Variants in LHFPL3 observed in about 807,000 individuals in gnomAD.
LHFPL3 encodes LHFPL tetraspan subfamily member 3 protein.
A neutral mutation model predicts 19.3 loss-of-function variants in LHFPL3; 5 were observed. The ratio of observed to expected loss-of-function variants is 0.26; its 90% CI spans 0.14 to 0.54. The LOEUF (loss-of-function observed/expected upper bound fraction) is 0.54, where lower values mean the gene tolerates loss of function less well. Ranked by LOEUF, LHFPL3 falls within the 20% of genes least tolerant of loss-of-function variation. The probability of loss-of-function intolerance (pLI) is 0.94; values close to 1 mark genes in which losing one functional copy is unlikely to be tolerated. For synonymous variants in LHFPL3, 133 were observed against 126.2 expected (o/e 1.05, Z -0.36); for missense variants, 249 against 307.4 (o/e 0.81, Z 1.42).
At chr7:104,367,543 A>G (rs1056543938) in intron 1 of LHFPL3, among the ~76,000 whole-genome samples, 3 of 152,204 alleles carry the variant, frequency 2.0e-5, no homozygotes, top group Non-Finnish European at 2.9e-5. Flanking sequence ...TGGGGTATAG[A>G]TCGTCAGATG....
At position 104,441,586 on chromosome 7, in the gene LHFPL3, A is replaced by T. The variant is rs375049765; in HGVS notation, c.445+112362A>T. Reference sequence around the variant, plus strand: ...GAGATCCTGATTTTTTTATTTATTTATTTTTTTTGAGACAATGTCTTGCCC... The same window carrying T: ...GAGATCCTGATTTTTTTATTTATTTTTTTTTTTTGAGACAATGTCTTGCCC... On this transcript the variant is annotated intron_variant, in intron 1 of 2. Transcript: ENST00000424859. Among the ~76,000 whole-genome samples the T allele has an allele frequency of 4.0e-3, 609 of 151,616 alleles. 4 individuals carry two copies. Among genetic ancestry groups the T allele is most frequent in the African/African-American group, 0.013 (544 of 41,384 alleles).
At chr7:104,419,152 G>A (rs528228508) in intron 1 of LHFPL3, among the ~76,000 whole-genome samples, 1 of 152,216 alleles carries the variant, frequency 6.6e-6, no homozygotes, top group South Asian at 2.1e-4. Flanking sequence ...GGAGATTGAT[G>A]AAAGATAAAC....
chr7:104,877,068 T>C (rs1791959534), intron 2 of LHFPL3, among the ~76,000 whole-genome samples: 2 of 152,040 alleles, frequency 1.3e-5, no homozygotes, highest in African/African-American at 4.8e-5. Context: ...TAGGTGGAAA[T>C]TGAACAATGA....
At chr7:104,370,108 A>G (rs548157021) in intron 1 of LHFPL3, among the ~76,000 whole-genome samples, 1 of 152,348 alleles carries the variant, frequency 6.6e-6, no homozygotes, top group South Asian at 2.1e-4. Context: ...GGAAGCAGAT[A>G]AAACCTCTAA....
rs141779070 is a variant in LHFPL3, at chr7:104,861,686, T to C, written c.683-44501T>C. 3.8e-3 allele frequency among the ~76,000 whole-genome samples: 574 copies of C among 152,260 alleles called. 3 individuals are homozygous for C. Among genetic ancestry groups the C allele is most frequent in the African/African-American group, 0.013 (548 of 41,562 alleles). ...ACCTGGGTGAAAGTGATTCTTCTCC[T>C]AGAAAGTGATTCTAGGAGAAACTAA... On this transcript the variant is annotated intron_variant, in intron 2 of 2. Coordinates refer to ENST00000424859, the MANE Select transcript of LHFPL3 (RefSeq NM_199000.3).
chr7:104,395,136 C>T (rs1791158580), intron 1 of LHFPL3, among the ~76,000 whole-genome samples: 1 of 152,058 alleles, frequency 6.6e-6, no homozygotes, highest in Non-Finnish European at 1.5e-5. Flanking sequence ...AGGAGGGATT[C>T]TAATGGTCAG....
At chr7:104,743,512 C>T (rs529780214) in intron 2 of LHFPL3, among the ~76,000 whole-genome samples, 4 of 152,280 alleles carry the variant, frequency 2.6e-5, no homozygotes, top group South Asian at 2.1e-4. Context: ...TAACAATACC[C>T]ATCCCTGCCT....
At chr7:104,839,400 C>CTCATGCCTGTAATCTCAGCA (rs1427610470) in intron 2 of LHFPL3, among the ~76,000 whole-genome samples, 1 of 152,178 alleles carries the variant, frequency 6.6e-6, no homozygotes, top group Non-Finnish European at 1.5e-5. Flanking sequence ...AGCGTGGTGG[C>CTCATGCCTGTAATCTCAGCA]TCATGCCTGT....
chr7:104,472,328 C>T (rs1792927792), intron 1 of LHFPL3, among the ~76,000 whole-genome samples: 1 of 152,086 alleles, frequency 6.6e-6, no homozygotes, highest in African/African-American at 2.4e-5. Flanking sequence ...TTTTAGGAAT[C>T]CAGACTCACT....
At chr7:104,770,035 C>G (rs1794525460) in intron 2 of LHFPL3, among the ~76,000 whole-genome samples, 1 of 151,934 alleles carries the variant, frequency 6.6e-6, no homozygotes, top group Admixed American at 6.6e-5. Flanking sequence ...TTTAACATAT[C>G]AAGGGCTAAG....
At chr7:104,628,999 A>G (rs1791594883) in intron 1 of LHFPL3, among the ~76,000 whole-genome samples, 1 of 152,228 alleles carries the variant, frequency 6.6e-6, no homozygotes, top group South Asian at 2.1e-4. Context: ...ATTTGCCTAA[A>G]TGTCTGAAAA....
intron 1 of LHFPL3, among the ~76,000 whole-genome samples, chr7:104,412,106 T>A (rs1267642331): frequency 1.3e-5 from 2 of 150,234 alleles, no homozygotes; most frequent in Non-Finnish European, 2.9e-5. Flanking sequence ...TAATGTGGGA[T>A]TCAATAAGAT....
At chr7:104,739,284 C>T (rs1050481913) in intron 2 of LHFPL3, among the ~76,000 whole-genome samples, 3 of 152,160 alleles carry the variant, frequency 2.0e-5, no homozygotes, top group Non-Finnish European at 4.4e-5. Flanking sequence ...ATTATTTAAA[C>T]ACTTGCTAAA....
Position 104,468,658 on chromosome 7 carries a change from CTT to C in LHFPL3, c.445+139449_445+139450del, listed in dbSNP as rs11388073. ...CAAAGTAGAAAGGTCTTGTATAAAC[CTT>C]TTTTTTTTTTTTTTCCGAGTTGGAG... On this transcript the variant is annotated intron_variant, in intron 1 of 2. Coordinates refer to ENST00000424859, the MANE Select transcript of LHFPL3 (RefSeq NM_199000.3). 1.6e-3 allele frequency among the ~76,000 whole-genome samples: 220 copies of C among 137,294 alleles called. 1 individual carries two copies. The highest frequency in any genetic ancestry group is 0.01 in the East Asian group (48 of 4,588). 90.1% of individuals were successfully genotyped at this position (137,294 alleles called of 152,430 possible).
intron 1 of LHFPL3, among the ~76,000 whole-genome samples, chr7:104,527,434 G>A (rs1157585781): frequency 2.0e-5 from 3 of 152,122 alleles, no homozygotes; most frequent in Non-Finnish European, 4.4e-5. Context: ...GTGGCGAGGT[G>A]TGGACAGATT....
At chr7:104,515,379 T>G (rs937606870) in intron 1 of LHFPL3, among the ~76,000 whole-genome samples, 2 of 152,166 alleles carry the variant, frequency 1.3e-5, no homozygotes, top group Non-Finnish European at 1.5e-5. Flanking sequence ...TATAATTGAC[T>G]CTAAGATCTA....
chr7:104,902,841 T>TTAGAGGCCAATGAGGG (rs1792517835), intron 2 of LHFPL3, among the ~76,000 whole-genome samples: 1 of 152,060 alleles, frequency 6.6e-6, no homozygotes, highest in Non-Finnish European at 1.5e-5. Context: ...GATTTGGCCA[T>TTAGAGGCCAATGAGGG]ATGAAGGCCA....
intron 1 of LHFPL3, among the ~76,000 whole-genome samples, chr7:104,504,923 G>A (rs955587740): frequency 6.6e-6 from 1 of 152,172 alleles, no homozygotes; most frequent in Non-Finnish European, 1.5e-5. Context: ...TGGAACAGCT[G>A]GCCTGATGAA....
At chr7:104,772,575 G>A (rs1315544131) in intron 2 of LHFPL3, among the ~76,000 whole-genome samples, 1 of 152,208 alleles carries the variant, frequency 6.6e-6, no homozygotes, top group Non-Finnish European at 1.5e-5. Context: ...TCCTCACCAG[G>A]AAAGGGCAGG....
Sources: gnomAD v4.1 joint callset for allele counts (sites outside exome capture counted in the v4.1 genomes callset) on GRCh38, gnomAD v4.1.1 for gene constraint, MANE v1.5 for transcripts, NCBI Gene and HGNC (gene_info 2026-07-23, HGNC 2026-07-21) for gene names.